The following PLPP4 variants were observed in gnomAD, a reference collection of about 807,000 sequenced individuals.
The protein encoded by PLPP4 is diacylglycerol pyrophosphate like 2.
In PLPP4, 20 loss-of-function variants were observed where a neutral mutation model predicts 32.2. The observed-to-expected ratio is 0.62, with a 90% CI of 0.44 to 0.90. The LOEUF is 0.90. Ranked by LOEUF, PLPP4 falls within the 40% of genes least tolerant of loss-of-function variation. PLPP4 has a pLI of 0.00. For missense variants in PLPP4, 257 were observed against 353.1 expected, an observed-to-expected ratio of 0.73 and a Z score of 2.18; for synonymous variants, 127 against 133.0, an observed-to-expected ratio of 0.95 and a Z score of 0.31.
At position 120,591,655 on chromosome 10, in the gene PLPP4, A is replaced by C. The variant is rs1050030017; in HGVS notation, c.*2153A>C. Among the ~76,000 whole-genome samples the C allele has an allele frequency of 1.3e-5, 2 of 151,930 alleles. No homozygotes were observed. The highest frequency in any genetic ancestry group is 4.8e-5 in the African/African-American group (2 of 41,476). The stretch of plus-strand genomic sequence containing the variant: ...CCATCCTGATGTGGCCCACATTCTT[A>C]TTTGATTCTAGTTTTATCTGAGCAA... On this transcript the variant is annotated 3_prime_UTR_variant, in exon 7 of 7. Transcript: ENST00000398250.
intron 3 of PLPP4, among the ~76,000 whole-genome samples, chr10:120,516,733 T>C (rs1320383847): frequency 1.3e-5 from 2 of 152,204 alleles, no homozygotes; most frequent in African/African-American, 2.4e-5. Context: ...CACTGGGTTA[T>C]TGCTAATGAA....
At chr10:120,560,052 G>A (rs940829791) in intron 5 of PLPP4, among the ~76,000 whole-genome samples, 59 of 152,314 alleles carry the variant, frequency 3.9e-4, no homozygotes, top group African/African-American at 1.3e-3. Context: ...TGAGCAGTTC[G>A]TGTCTCCACG....
At position 120,457,380 on chromosome 10, in the gene PLPP4, CG is replaced by C; in HGVS notation, c.56+22del. The C allele has an allele frequency of 6.5e-7, 1 of 1,528,234 alleles. No homozygotes were observed. The highest frequency in any genetic ancestry group is 2.6e-5 in the East Asian group (1 of 38,504). The allele number at this position is 1,528,234 out of a possible 1,614,324, so 94.7% of individuals were successfully genotyped here. ...TCTTCGTGTAAGTAGTGGCGCACCG[CG>C]GGCAGGGCGCACTGACGCGGGGGAA... On this transcript the variant is annotated intron_variant, in intron 1 of 6. Transcript: ENST00000398250.
At chr10:120,477,914 GC>G (rs1336442018) in intron 1 of PLPP4, among the ~76,000 whole-genome samples, 1 of 152,172 alleles carries the variant, frequency 6.6e-6, no homozygotes, top group Non-Finnish European at 1.5e-5. Context: ...GGCTTGTCTG[GC>G]CGACATGCAG....
At chr10:120,527,478 T>C (rs1846456050) in intron 5 of PLPP4, among the ~76,000 whole-genome samples, 1 of 152,212 alleles carries the variant, frequency 6.6e-6, no homozygotes, top group African/African-American at 2.4e-5. Context: ...ACTCAATTGA[T>C]TGCAAACGTT....
At chr10:120,563,764 C>CAGTCCGT (rs1848548998) in intron 5 of PLPP4, among the ~76,000 whole-genome samples, 1 of 110,210 alleles carries the variant, frequency 9.1e-6, no homozygotes, top group Admixed American at 1.2e-4. Context: ...TGCGCCACTG[C>CAGTCCGT]AGTCCGCAGT....
intron 6 of PLPP4, among the ~76,000 whole-genome samples, chr10:120,576,555 G>A (rs139033666): frequency 0.012 from 1,780 of 152,256 alleles, 20 homozygotes; most frequent in Middle Eastern, 0.038. Context: ...TCCCTACCCC[G>A]TATCCTCCTG....
intron 1 of PLPP4, among the ~76,000 whole-genome samples, chr10:120,479,740 T>C (rs751951499): frequency 1.3e-5 from 2 of 152,240 alleles, no homozygotes; most frequent in Non-Finnish European, 2.9e-5. Flanking sequence ...AATCGTTGCC[T>C]TCATTCTAAA....
intron 3 of PLPP4, among the ~76,000 whole-genome samples, chr10:120,517,865 A>G (rs1460264619): frequency 6.6e-6 from 1 of 152,086 alleles, no homozygotes; most frequent in Non-Finnish European, 1.5e-5. Context: ...CTTCCCGAAA[A>G]TGCCCCCATT....
At chr10:120,545,089 A>C (rs1202976296) in intron 5 of PLPP4, among the ~76,000 whole-genome samples, 1 of 152,218 alleles carries the variant, frequency 6.6e-6, no homozygotes, top group Non-Finnish European at 1.5e-5. Context: ...TCTGAAGGTG[A>C]GGATCTTTAT....
chr10:120,518,046 T>A (rs1157169535), intron 3 of PLPP4, among the ~76,000 whole-genome samples: 1 of 152,226 alleles, frequency 6.6e-6, no homozygotes, highest in African/African-American at 2.4e-5. Flanking sequence ...TGGTGATGAC[T>A]CTGCCTTTTA....
intron 5 of PLPP4, among the ~76,000 whole-genome samples, chr10:120,569,885 G>A (rs1032448546): frequency 1.3e-5 from 2 of 152,106 alleles, no homozygotes; most frequent in African/African-American, 4.8e-5. Flanking sequence ...CCTAATTGGG[G>A]GTGTGAAAAC....
At chr10:120,500,607 G>A (rs1350308193) in intron 1 of PLPP4, among the ~76,000 whole-genome samples, 1 of 145,028 alleles carries the variant, frequency 6.9e-6, no homozygotes, top group East Asian at 2.2e-4. Flanking sequence ...CCTGCTGTGG[G>A]GGAAGCCAGT....
At chr10:120,528,079 T>TG (rs1292363264) in intron 5 of PLPP4, among the ~76,000 whole-genome samples, 13 of 140,506 alleles carry the variant, frequency 9.3e-5, no homozygotes, top group South Asian at 4.9e-4. Flanking sequence ...GTTTTTTTTT[T>TG]TTTTTTTTTT....
chr10:120,564,669 A>T (rs1410509317), intron 5 of PLPP4, among the ~76,000 whole-genome samples: 3 of 151,900 alleles, frequency 2.0e-5, no homozygotes, highest in Non-Finnish European at 2.9e-5. Flanking sequence ...ACAGTTTAGA[A>T]TTGTAATACT....
chr10:120,571,919 A>C (rs1267256132), intron 5 of PLPP4, among the ~76,000 whole-genome samples: 1 of 152,198 alleles, frequency 6.6e-6, no homozygotes, highest in Non-Finnish European at 1.5e-5. Context: ...TAAGAAAGTG[A>C]CAAGCATAAG....
intron 3 of PLPP4, among the ~76,000 whole-genome samples, chr10:120,517,473 G>A (rs1845978504): frequency 6.6e-6 from 1 of 152,170 alleles, no homozygotes; most frequent in African/African-American, 2.4e-5. Flanking sequence ...GCAATCAGTG[G>A]ATCTTTCCAA....
intron 5 of PLPP4, among the ~76,000 whole-genome samples, chr10:120,567,356 T>G (rs927975411): frequency 6.6e-6 from 1 of 152,190 alleles, no homozygotes; most frequent in African/African-American, 2.4e-5. Context: ...AATAACACCT[T>G]TTATTTGTAT....
chr10:120,543,248 C>T (rs78776687), intron 5 of PLPP4, among the ~76,000 whole-genome samples: 6,702 of 152,248 alleles, frequency 0.044, 250 homozygotes, highest in South Asian at 0.2. Flanking sequence ...CTTTTCAGTC[C>T]TTCCTCCTCA....
Sources: allele counts gnomAD v4.1 joint callset (sites outside exome capture counted in the v4.1 genomes callset), GRCh38; gene constraint gnomAD v4.1.1; transcripts MANE v1.5; gene names NCBI Gene and HGNC (gene_info 2026-07-23, HGNC 2026-07-21).